The following TAX1BP1 variants were observed in gnomAD, a reference collection of about 807,000 sequenced individuals.
The protein encoded by TAX1BP1 is tax1-binding protein 1.
TAX1BP1 carries 62 observed loss-of-function variants against 97.7 expected under a neutral mutation model. The observed-to-expected ratio is 0.63, with a 90% CI of 0.52 to 0.78. The LOEUF is 0.78. Among genes scored for constraint, TAX1BP1 ranks in the 30% least tolerant of loss-of-function variants. The probability of loss-of-function intolerance (pLI) is 0.00; values close to 1 mark genes in which losing one functional copy is unlikely to be tolerated. For synonymous variants in TAX1BP1, 340 were observed against 304.2 expected, an observed-to-expected ratio of 1.12 and a Z score of -1.23; for missense variants, 867 against 916.1, an observed-to-expected ratio of 0.95 and a Z score of 0.69.
At chr7:27,778,977 T>C (rs1265403824) in intron 5 of TAX1BP1, among the ~76,000 whole-genome samples, 4 of 151,996 alleles carry the variant, frequency 2.6e-5, no homozygotes, top group Admixed American at 6.6e-5. Context: ...AAACCTTGAG[T>C]CCATTAACAG....
At chr7:27,787,358 C>CT in intron 7 of TAX1BP1, 60 bp from the exon 8 acceptor site, 1 of 1,399,812 alleles carries the variant, frequency 7.1e-7, no homozygotes, top group South Asian at 1.6e-5. Flanking sequence ...GTATTTTAAA[C>CT]TTTGACTAAC....
At chr7:27,789,749 C>G (rs1457453788) in intron 8 of TAX1BP1, among the ~76,000 whole-genome samples, 3 of 151,902 alleles carry the variant, frequency 2.0e-5, no homozygotes, top group Middle Eastern at 3.2e-3. Context: ...TAAAAATACT[C>G]AGACATAGTT....
intron 3 of TAX1BP1, 137 bp from the exon 4 acceptor site, chr7:27,765,697 C>A (rs773705725): frequency 2.0e-5 from 15 of 740,768 alleles, no homozygotes; most frequent in South Asian, 1.5e-4. Context: ...TGATAATTTG[C>A]GAAAGGAGGA....
intron 13 of TAX1BP1, among the ~76,000 whole-genome samples, chr7:27,800,920 T>C (rs1225315453): frequency 1.3e-5 from 2 of 151,944 alleles, no homozygotes; most frequent in Non-Finnish European, 2.9e-5. Flanking sequence ...CTGGCCAACA[T>C]AGTGAAACCC....
intron 13 of TAX1BP1, among the ~76,000 whole-genome samples, chr7:27,805,662 C>A (rs1017447530): frequency 2.0e-5 from 3 of 152,044 alleles, no homozygotes; most frequent in Non-Finnish European, 2.9e-5. Flanking sequence ...CATGGTGAAA[C>A]CACGTCTCTA....
intron 2 of TAX1BP1, among the ~76,000 whole-genome samples, chr7:27,753,174 C>CT (rs1162553397): frequency 9.2e-5 from 14 of 152,176 alleles, no homozygotes; most frequent in African/African-American, 3.4e-4. Flanking sequence ...GTGGTGCATG[C>CT]TGGTAGTCCC....
chr7:27,823,512 AATG>A (rs1791056914), intron 15 of TAX1BP1, among the ~76,000 whole-genome samples: 1 of 152,208 alleles, frequency 6.6e-6, no homozygotes, highest in Non-Finnish European at 1.5e-5. Flanking sequence ...CAGTTTGGGA[AATG>A]CTAAGTAGAG....
chr7:27,751,485 G>A (rs546990668), intron 2 of TAX1BP1, among the ~76,000 whole-genome samples: 69 of 152,064 alleles, frequency 4.5e-4, no homozygotes, highest in Middle Eastern at 6.8e-3. Context: ...CGTTGAACCA[G>A]TTTCTTACTA....
At position 27,765,008 on chromosome 7, in the gene TAX1BP1, TG is replaced by T. The variant is rs1485300656; in HGVS notation, c.266-825del. On this transcript the variant is annotated intron_variant, in intron 3 of 16. Coordinates refer to ENST00000396319, the MANE Select transcript of TAX1BP1 (RefSeq NM_006024.7). ...TTATAGATTGTCTGCCTCTCCTCTCTGTTTTTTTTTTTTTTTTTTTTTTTTG... is the reference window on the plus strand; with the variant it reads ...TTATAGATTGTCTGCCTCTCCTCTCTTTTTTTTTTTTTTTTTTTTTTTTTG... 2.9e-5 allele frequency among the ~76,000 whole-genome samples: 4 copies of T among 136,704 alleles called. No homozygotes were observed. The East Asian group carries it at 8.7e-4, about 30-fold the overall frequency. The allele number at this position is 136,704 out of a possible 152,430, so 89.7% of individuals were successfully genotyped here. A position where few individuals can be genotyped will look rare whatever the true frequency, so the allele number is the denominator to read the frequency against.
Position 27,763,672 on chromosome 7 carries a change from G to T in TAX1BP1, c.266-2162G>T, listed in dbSNP as rs112651605. The stretch of plus-strand genomic sequence containing the variant: ...AATTCCAGCTACTCGGGAGGCTGAC[G>T]CAGGGGAATTGCTTGAAGCAGGGAG... On this transcript the variant is annotated intron_variant, in intron 3 of 16. Transcript: ENST00000396319. Among the ~76,000 whole-genome samples the T allele has an allele frequency of 7.9e-5, 12 of 152,184 alleles. 1 individual carries two copies. Among genetic ancestry groups the T allele is most frequent in the African/African-American group, 2.9e-4 (12 of 41,522 alleles).
intron 13 of TAX1BP1, among the ~76,000 whole-genome samples, chr7:27,806,740 G>A (rs1356939858): frequency 6.6e-6 from 1 of 151,878 alleles, no homozygotes; most frequent in African/African-American, 2.4e-5. Context: ...TTCTCTTGAA[G>A]GGTTAGTTTT....
At chr7:27,760,485 T>A (rs1788384394) in intron 3 of TAX1BP1, among the ~76,000 whole-genome samples, 1 of 151,284 alleles carries the variant, frequency 6.6e-6, no homozygotes, top group Non-Finnish European at 1.5e-5. Context: ...CTCCGCCTCC[T>A]TAGTTTTCGC....
chr7:27,816,844 T>C (rs1790785699), intron 14 of TAX1BP1, 46 bp from the exon 15 acceptor site: 1 of 1,607,098 alleles, frequency 6.2e-7, no homozygotes, highest in Admixed American at 1.7e-5. Context: ...CAGATGTTAG[T>C]TGTAGTAACC....
chr7:27,771,135 A>ATTTTTTTTTTTTTTTT (rs1788833091), intron 5 of TAX1BP1, among the ~76,000 whole-genome samples: 1 of 46,282 alleles, frequency 2.2e-5, no homozygotes, highest in Non-Finnish European at 4.4e-5. Context: ...TTTTTTACTC[A>ATTTTTTTTTTTTTTTT]TTTGTTGTAA....
chr7:27,786,536 T>A (rs889399990), intron 7 of TAX1BP1, among the ~76,000 whole-genome samples: 3 of 152,300 alleles, frequency 2.0e-5, no homozygotes, highest in African/African-American at 4.8e-5. Flanking sequence ...CATAAGCATT[T>A]CCTGAAGGCA....
rs566902266 is a variant in TAX1BP1 at position 27,780,392 on chromosome 7, C to G, written c.613-4771C>G. ...GTGTAACCTTTGATAAACTACTTAA[C>G]TTCTCTGTGGCTCACTTTTCTCATG... On this transcript the variant is annotated intron_variant, in intron 5 of 16. Transcript: ENST00000396319. Among the ~76,000 whole-genome samples, 4 of 152,294 alleles carry G rather than the reference C, an allele frequency of 2.6e-5. 1 individual carries two copies. Among genetic ancestry groups the G allele is most frequent in the African/African-American group, 9.6e-5 (4 of 41,568 alleles).
rs549851639 is a variant in TAX1BP1 at position 27,755,203 on chromosome 7, G to T, written c.163-2828G>T. ...ACCTTCCCCAGTGATGTCTGTTGTT[G>T]TATGTTTCTGGATTAGAAAAATTCA... On this transcript the variant is annotated intron_variant, in intron 2 of 16. Transcript: ENST00000396319. Among the ~76,000 whole-genome samples the T allele has an allele frequency of 4.6e-5, 7 of 152,076 alleles. 1 individual carries two copies. Among genetic ancestry groups the T allele is most frequent in the African/African-American group, 1.2e-4 (5 of 41,406 alleles).
intron 4 of TAX1BP1, among the ~76,000 whole-genome samples, chr7:27,767,376 A>G (rs748370710): frequency 2.6e-5 from 4 of 152,132 alleles, no homozygotes; most frequent in Non-Finnish European, 5.9e-5. Flanking sequence ...CTGAGACTGG[A>G]GTAAAAAGAC....
chr7:27,798,578 C>T (rs773497015), intron 12 of TAX1BP1, among the ~76,000 whole-genome samples: 1 of 150,492 alleles, frequency 6.6e-6, no homozygotes, highest in Admixed American at 6.6e-5. Context: ...GCAGGAGAAT[C>T]GCTTGAACCC....
Sources: allele counts gnomAD v4.1 joint callset (sites outside exome capture counted in the v4.1 genomes callset), GRCh38; gene constraint gnomAD v4.1.1; transcripts MANE v1.5; gene names NCBI Gene and HGNC (gene_info 2026-07-23, HGNC 2026-07-21).